The following TMEM120B variants were observed in gnomAD, a reference collection of about 807,000 sequenced individuals.
TMEM120B encodes the protein transmembrane protein 120B.
In TMEM120B, 31 loss-of-function variants were observed where a neutral mutation model predicts 55.5. The observed-to-expected ratio is 0.56, with a 90% confidence interval of 0.42 to 0.75. TMEM120B has a LOEUF of 0.75. Among genes scored for constraint, TMEM120B ranks in the 30% least tolerant of loss-of-function variants. TMEM120B has a pLI of 0.00. For synonymous variants in TMEM120B, 203 were observed against 176.3 expected (o/e 1.15, Z -1.20); for missense variants, 399 against 425.5 (o/e 0.94, Z 0.55).
intron 1 of TMEM120B, among the ~76,000 whole-genome samples, chr12:121,728,100 C>T (rs892545500): frequency 6.6e-6 from 1 of 150,598 alleles, no homozygotes. Flanking sequence ...CTCTGCCTTC[C>T]GGGTTCAAGT....
At position 121,753,320 on chromosome 12, in the gene TMEM120B, G is replaced by T. The variant is rs140129557; in HGVS notation, c.461+1097G>T. Among the ~76,000 whole-genome samples, 185 of 152,304 alleles carry T rather than the reference G, an allele frequency of 1.2e-3. 1 individual carries two copies. The East Asian group carries it at 0.032, about 27-fold the overall frequency. ...GGGGCTGCGGGAGGCAGGAAGGAGG[G>T]CATGACTGCTACTGGGTACAAGGTT... On this transcript the variant is annotated intron_variant, in intron 5 of 11. Coordinates refer to ENST00000449592, the MANE Select transcript of TMEM120B (RefSeq NM_001080825.2).
At chr12:121,723,613 A>G (rs927492792) in intron 1 of TMEM120B, among the ~76,000 whole-genome samples, 3 of 152,164 alleles carry the variant, frequency 2.0e-5, no homozygotes, top group African/African-American at 7.2e-5. Context: ...GGTGACTACC[A>G]TTGACTAAAC....
chr12:121,763,760 C>T (rs990226033), intron 6 of TMEM120B, among the ~76,000 whole-genome samples: 5 of 152,054 alleles, frequency 3.3e-5, no homozygotes, highest in South Asian at 2.1e-4. Flanking sequence ...CATTCCGGTT[C>T]CTGTTCTTTC....
intron 1 of TMEM120B, among the ~76,000 whole-genome samples, chr12:121,740,779 C>G (rs1872911165): frequency 6.6e-6 from 1 of 152,090 alleles, no homozygotes; most frequent in African/African-American, 2.4e-5. Context: ...GAGAATATAG[C>G]TGTTCTTACT....
intron 5 of TMEM120B, among the ~76,000 whole-genome samples, chr12:121,754,649 C>T (rs1873428907): frequency 6.6e-6 from 1 of 152,208 alleles, no homozygotes; most frequent in Non-Finnish European, 1.5e-5. Context: ...CACACGGCCT[C>T]CTTCCCTAGT....
rs927619939 is a variant in TMEM120B, at chr12:121,748,449, G to A, written c.305+7G>A. 4 of 1,590,782 alleles carry A rather than the reference G, an allele frequency of 2.5e-6. No individual in the cohort carries two copies. The highest frequency in any genetic ancestry group is 2.2e-5 in the East Asian group (1 of 44,510). On this transcript the variant is annotated splice_region_variant and intron_variant, in intron 3 of 11. Transcript: ENST00000449592. ...ACCTGCCCAAGAAGAACGGGTAGGA[G>A]CTGGCAACCTCCCCACCCCTAGCAC...
chr12:121,730,861 G>A (rs559282590), intron 1 of TMEM120B, among the ~76,000 whole-genome samples: 421 of 151,870 alleles, frequency 2.8e-3, no homozygotes, highest in Non-Finnish European at 4.4e-3. Flanking sequence ...GGGAGGCTGA[G>A]GCAGGAGAAT....
intron 7 of TMEM120B, among the ~76,000 whole-genome samples, chr12:121,771,197 C>A (rs1389524091): frequency 2.6e-5 from 4 of 152,094 alleles, no homozygotes; most frequent in African/African-American, 9.7e-5. Flanking sequence ...GCAGAGGTAG[C>A]GGGGCTGCAA....
chr12:121,713,599 A>G (rs906408561), intron 1 of TMEM120B, among the ~76,000 whole-genome samples: 2 of 152,108 alleles, frequency 1.3e-5, no homozygotes, highest in Admixed American at 6.6e-5. Context: ...TCCCAGCTCT[A>G]TCCTTCTGGC....
chr12:121,728,165 G>A (rs954879721), intron 1 of TMEM120B, among the ~76,000 whole-genome samples: 2 of 151,660 alleles, frequency 1.3e-5, no homozygotes, highest in Middle Eastern at 3.4e-3. Context: ...CTGCCAGGAC[G>A]CTTGGCGAAT....
chr12:121,771,029 G>A lies in TMEM120B; in HGVS notation c.617+57G>A, dbSNP rs573285737. 9.8e-5 allele frequency: 154 copies of A among 1,574,250 alleles called. No individual in the cohort carries two copies. In the South Asian group the frequency reaches 1.3e-3, roughly 14 times the overall value. ...TCCCAGGGAGTAGAGCCTGGGGCCC[G>A]GGAATGGGGAGGGGGCTGATCCAGA... is the stretch of plus-strand genomic sequence containing the variant. On this transcript the variant is annotated intron_variant, in intron 7 of 11. Transcript: ENST00000449592.
intron 8 of TMEM120B, among the ~76,000 whole-genome samples, chr12:121,771,846 C>G (rs1392256431): frequency 6.6e-6 from 1 of 152,122 alleles, no homozygotes; most frequent in Admixed American, 6.5e-5. Context: ...AATAAGTCCT[C>G]CAAATGGAAA....
chr12:121,715,146 G>A (rs145705849), intron 1 of TMEM120B, among the ~76,000 whole-genome samples: 1,776 of 151,444 alleles, frequency 0.012, 20 homozygotes, highest in South Asian at 0.036. Flanking sequence ...GACCAGCCTG[G>A]CCAACACAGT....
intron 1 of TMEM120B, among the ~76,000 whole-genome samples, chr12:121,735,889 A>C (rs1895100781): frequency 6.6e-6 from 1 of 151,880 alleles, no homozygotes; most frequent in African/African-American, 2.4e-5. Flanking sequence ...CGGGGGTTTC[A>C]CCGTGTTAGT....
chr12:121,713,731 A>C (rs1415717347), intron 1 of TMEM120B, among the ~76,000 whole-genome samples: 1 of 152,234 alleles, frequency 6.6e-6, no homozygotes, highest in African/African-American at 2.4e-5. Flanking sequence ...AGAGGTTCAG[A>C]GAGGCCCCAG....
chr12:121,750,271 C>G (rs1006187126), intron 3 of TMEM120B, 109 bp from the exon 4 acceptor site: 2 of 1,058,506 alleles, frequency 1.9e-6, no homozygotes, highest in Non-Finnish European at 1.5e-6. Flanking sequence ...GGCCCCCTAT[C>G]TTCTAACATC....
chr12:121,775,487 G>T lies in TMEM120B; in HGVS notation c.907-122G>T. The T allele has an allele frequency of 6.8e-7, 1 of 1,461,172 alleles. No homozygotes were observed. Among genetic ancestry groups the T allele is most frequent in the Non-Finnish European group, 9.0e-7 (1 of 1,110,784 alleles). The allele number at this position is 1,461,172 out of a possible 1,614,324, so 90.5% of individuals were successfully genotyped here. The stretch of plus-strand genomic sequence containing the variant: ...CCAGGTCTCCTGAATCTCTGCCTTC[G>T]ATGGCAAAACCCTGCAGTTTGGGAG... On this transcript the variant is annotated intron_variant, in intron 11 of 11. Coordinates refer to ENST00000449592, the MANE Select transcript of TMEM120B (RefSeq NM_001080825.2). This position sits in a 1 kb window ranked among gnomAD's most constrained non-coding sequence, Gnocchi z 4.3.
chr12:121,769,143 CAAA>C (rs34286143), intron 6 of TMEM120B, among the ~76,000 whole-genome samples: 5 of 88,972 alleles, frequency 5.6e-5, no homozygotes, highest in Non-Finnish European at 7.1e-5. Context: ...AAGACTGTCT[CAAA>C]AAAAAAAAAA....
At chr12:121,759,263 C>G (rs1410049705) in intron 5 of TMEM120B, among the ~76,000 whole-genome samples, 1 of 151,272 alleles carries the variant, frequency 6.6e-6, no homozygotes, top group African/African-American at 2.4e-5. Flanking sequence ...TATTCAAGTT[C>G]CCTGCGGCAA....
Sources: gnomAD v4.1 joint callset for allele counts (sites outside exome capture counted in the v4.1 genomes callset) on GRCh38, gnomAD v4.1.1 for gene constraint, Gnocchi (gnomAD v3.1) non-coding constraint, MANE v1.5 for transcripts, NCBI Gene and HGNC (gene_info 2026-07-23, HGNC 2026-07-21) for gene names.